Variants in MIEN1 observed in about 807,000 individuals in gnomAD.
MIEN1 encodes migration and invasion enhancer 1, also known as HBV X-transactivated gene 4 protein.
MIEN1 carries 12 observed loss-of-function variants against 15.5 expected under a neutral mutation model. The ratio of observed to expected loss-of-function variants is 0.78; its 90% confidence interval spans 0.50 to 1.26. The LOEUF is 1.26. Ranked by LOEUF, MIEN1 falls within the 50% of genes most tolerant of loss-of-function variation. The probability of loss-of-function intolerance (pLI) is 0.00; values close to 1 mark genes in which losing one functional copy is unlikely to be tolerated. For missense variants in MIEN1, 160 were observed against 151.7 expected, an observed-to-expected ratio of 1.05 and a Z score of -0.29; for synonymous variants, 63 against 62.8, an observed-to-expected ratio of 1.00 and a Z score of -0.02.
Position 39,729,388 on chromosome 17 carries a change from G to A in MIEN1, c.*134C>T. ...CTTCTATTCCTTCTTTGTACCCAAAGGGCAAAGTGGAGGCCAGGGTCTCTT... is the reference window on the plus strand; with the variant it reads ...CTTCTATTCCTTCTTTGTACCCAAAAGGCAAAGTGGAGGCCAGGGTCTCTT... On this transcript the variant is annotated 3_prime_UTR_variant, in exon 4 of 4. Transcript: ENST00000394231. 9.3e-7 allele frequency: 1 copy of A among 1,079,662 alleles called. No homozygotes were observed. Among genetic ancestry groups the A allele is most frequent in the Non-Finnish European group, 1.3e-6 (1 of 754,792 alleles). 66.9% of individuals were successfully genotyped at this position (1,079,662 alleles called of 1,614,324 possible).
In MIEN1 at chr17:39,730,235, T is replaced by C; in HGVS notation, c.146A>G (p.Gln49Arg). Residue 49 changes from glutamine to arginine, a missense_variant, in exon 2 of 4, where the codon CAG (glutamine) becomes CGG (arginine). By Grantham distance (43) the Gln-to-Arg change is conservative. Transcript: ENST00000394231. Reference protein sequence around the residue: ...YLELASAVKEQYPGIEIESRL... With the variant: ...YLELASAVKERYPGIEIESRL... ...CGACTCGATCTCGATGCCCGGATAC[T>C]GCTCCTTCACAGCACTGGCCAGCTC... 6.2e-7 allele frequency: 1 copy of C among 1,609,238 alleles called. No homozygotes were observed. Among genetic ancestry groups the C allele is most frequent in the African/African-American group, 1.3e-5 (1 of 75,020 alleles).
intron 1 of MIEN1, 25 bp downstream of exon 1, chr17:39,730,382 G>C (rs747852107): frequency 6.4e-7 from 1 of 1,553,364 alleles, no homozygotes; most frequent in Admixed American, 2.0e-5. Context: ...ACCAGGGTGC[G>C]GGTCCTCCAG....
intron 2 of MIEN1, chr17:39,729,993 G>A: frequency 1.4e-6 from 1 of 695,120 alleles, no homozygotes; most frequent in Non-Finnish European, 2.4e-6. Flanking sequence ...AACCCTACAC[G>A]ATTGCAGTCT....
At chr17:39,730,120 A>C (rs963783466) in intron 2 of MIEN1, 74 bp downstream of exon 2, 1 of 1,401,650 alleles carries the variant, frequency 7.1e-7, no homozygotes, top group Non-Finnish European at 9.8e-7. Context: ...AAAGCAGCCA[A>C]TGTCAGAACT....
rs2059904436 is a variant in MIEN1, at chr17:39,728,636, T to C, written c.*886A>G. 4.3e-6 allele frequency: 1 copy of C among 233,032 alleles called. No individual in the cohort carries two copies. 14.4% of individuals were successfully genotyped at this position (233,032 alleles called of 1,614,324 possible). A position where few individuals can be genotyped will look rare whatever the true frequency, so the allele number is the denominator to read the frequency against. On this transcript the variant is annotated 3_prime_UTR_variant, in exon 4 of 4. Coordinates refer to ENST00000394231, the MANE Select transcript of MIEN1 (RefSeq NM_032339.5). The stretch of plus-strand genomic sequence containing the variant: ...CCTTCTCCACACCCACTTTGTCCAT[T>C]TGCAAATATATTTTGGAAAACAGCT...
In MIEN1 at chr17:39,730,395, G is replaced by T. The variant is rs746505783; in HGVS notation, c.89+12C>A. On this transcript the variant is annotated intron_variant, in intron 1 of 3. Coordinates refer to ENST00000394231, the MANE Select transcript of MIEN1 (RefSeq NM_032339.5). Reference sequence around the variant, plus strand: ...GGACCAGGGTGCGGGTCCTCCAGCCGGGGCCGCTCACCAGTACTCCACCAC... The same window carrying T: ...GGACCAGGGTGCGGGTCCTCCAGCCTGGGCCGCTCACCAGTACTCCACCAC... The T allele has an allele frequency of 6.4e-7, 1 of 1,552,756 alleles. No individual in the cohort carries two copies. The highest frequency in any genetic ancestry group is 8.7e-7 in the Non-Finnish European group (1 of 1,149,330).
At position 39,729,508 on chromosome 17, in the gene MIEN1, A is replaced by C. The variant is rs1330074629; in HGVS notation, c.*14T>G. ...GGACCCCAGAACAGAGCAGGAACCC[A>C]GAGTCCTGTGCAGTCACAGGATGAC... On this transcript the variant is annotated 3_prime_UTR_variant, in exon 4 of 4. Coordinates refer to ENST00000394231, the MANE Select transcript of MIEN1 (RefSeq NM_032339.5). The C allele has an allele frequency of 2.5e-6, 4 of 1,613,300 alleles. No individual in the cohort carries two copies. The South Asian group carries it at 3.3e-5, about 13-fold the overall frequency.
At chr17:39,730,018 C>T (rs905953188) in intron 2 of MIEN1, 176 bp downstream of exon 2, 1 of 723,124 alleles carries the variant, frequency 1.4e-6, no homozygotes, top group African/African-American at 1.8e-5. Context: ...GGTTTTTCCC[C>T]ACAGGCCTCT....
chr17:39,730,442 C>G lies in MIEN1; in HGVS notation c.54G>C (p.Glu18Asp), dbSNP rs1270284875. 1 of 1,550,470 alleles carries G rather than the reference C, an allele frequency of 6.4e-7. No homozygotes were observed. The highest frequency in any genetic ancestry group is 1.4e-5 in the African/African-American group (1 of 73,168). ...TSVAPPPEEV[E>D]PGSGVRIVVE... Reference sequence around the variant, plus strand: ...CCACGATGCGGACCCCACTGCCCGGCTCGACCTCCTCGGGAGGGGGCGCTA... The same window carrying G: ...CCACGATGCGGACCCCACTGCCCGGGTCGACCTCCTCGGGAGGGGGCGCTA... The change falls in exon 1 of 4, where the codon GAG becomes GAC. Residue 18 changes from glutamate (E) to aspartate (D), a missense_variant. Glu to Asp is a conservative substitution (Grantham distance 45). Transcript: ENST00000394231.
At chr17:39,729,867 A>C in intron 2 of MIEN1, 106 bp from the exon 3 acceptor site, 1 of 1,436,870 alleles carries the variant, frequency 7.0e-7, no homozygotes, top group East Asian at 2.3e-5. Context: ...ATCCCACTGG[A>C]GACCCATTTG....
Position 39,729,387 on chromosome 17 carries a change from A to AG in MIEN1, c.*134dup, listed in dbSNP as rs4252667. 79,000 of 1,095,530 alleles carry AG rather than the reference A, an allele frequency of 0.072. 4,815 individuals are homozygous for AG. The highest frequency in any genetic ancestry group is 0.29 in the African/African-American group (18,078 of 63,154). 67.9% of individuals were successfully genotyped at this position (1,095,530 alleles called of 1,614,324 possible). On this transcript the variant is annotated 3_prime_UTR_variant, in exon 4 of 4. Coordinates refer to ENST00000394231, the MANE Select transcript of MIEN1 (RefSeq NM_032339.5). ...TCTTCTATTCCTTCTTTGTACCCAAAGGGCAAAGTGGAGGCCAGGGTCTCT... is the reference window on the plus strand; with the variant it reads ...TCTTCTATTCCTTCTTTGTACCCAAAGGGGCAAAGTGGAGGCCAGGGTCTCT...
chr17:39,730,238 T>C lies in MIEN1; in HGVS notation c.143A>G (p.Glu48Gly), dbSNP rs1290255247. 1.2e-6 allele frequency: 2 copies of C among 1,608,974 alleles called. No homozygotes were observed. Among genetic ancestry groups the C allele is most frequent in the Middle Eastern group, 1.7e-4 (1 of 6,060 alleles). The stretch of plus-strand genomic sequence containing the variant: ...CTCGATCTCGATGCCCGGATACTGC[T>C]CCTTCACAGCACTGGCCAGCTCCAG... ...TYLELASAVK[E>G]QYPGIEIESR... The change falls in exon 2 of 4, where the codon GAG becomes GGG. Residue 48 changes from glutamate to glycine, a missense_variant. Glu to Gly is a moderately conservative substitution (Grantham distance 98). Coordinates refer to ENST00000394231, the MANE Select transcript of MIEN1 (RefSeq NM_032339.5).
chr17:39,729,748 T>C lies in MIEN1; in HGVS notation c.201A>G (p.Ile67Met). 1 of 1,613,784 alleles carries C rather than the reference T, an allele frequency of 6.2e-7. No homozygotes were observed. Among genetic ancestry groups the C allele is most frequent in the East Asian group, 2.2e-5 (1 of 44,878 alleles). ...SRLGGTGAFE[I>M]EINGQLVFSK... ...AGAACACCAGCTGTCCATTTATCTC[T>C]ATCTCAAAGGCACCTGGTAAGAAAT... The change falls in exon 3 of 4, where the codon ATA becomes ATG. Residue 67 changes from isoleucine to methionine, a missense_variant. Ile to Met is a conservative substitution (Grantham distance 10, BLOSUM62 1). Transcript: ENST00000394231.
rs1181507139 is a variant in MIEN1, at chr17:39,730,512, C to G, written c.-17G>C. Reference sequence around the variant, plus strand: ...CCCGCTCATCGCGGCCGGCTCCGCTCGGGCCCCTGCTTCCGGGTGTGACGC... The same window carrying G: ...CCCGCTCATCGCGGCCGGCTCCGCTGGGGCCCCTGCTTCCGGGTGTGACGC... On this transcript the variant is annotated 5_prime_UTR_variant, in exon 1 of 4. Coordinates refer to ENST00000394231, the MANE Select transcript of MIEN1 (RefSeq NM_032339.5). 4 of 1,524,940 alleles carry G rather than the reference C, an allele frequency of 2.6e-6. No homozygotes were observed. In the Admixed American group the frequency reaches 6.1e-5, roughly 23 times the overall value. The allele number at this position is 1,524,940 out of a possible 1,614,324, so 94.5% of individuals were successfully genotyped here. A position where few individuals can be genotyped will look rare whatever the true frequency, so the allele number is the denominator to read the frequency against.
Position 39,729,374 on chromosome 17 carries a change from T to G in MIEN1, c.*148A>C, listed in dbSNP as rs2059919371. Reference sequence around the variant, plus strand: ...CAAGGCCACGGAATCTTCTATTCCTTCTTTGTACCCAAAGGGCAAAGTGGA... The same window carrying G: ...CAAGGCCACGGAATCTTCTATTCCTGCTTTGTACCCAAAGGGCAAAGTGGA... On this transcript the variant is annotated 3_prime_UTR_variant, in exon 4 of 4. Coordinates refer to ENST00000394231, the MANE Select transcript of MIEN1 (RefSeq NM_032339.5). 1 of 968,924 alleles carries G rather than the reference T, an allele frequency of 1.0e-6. No homozygotes were observed. The allele number at this position is 968,924 out of a possible 1,614,324, so 60.0% of individuals were successfully genotyped here.
chr17:39,729,848 C>T, intron 2 of MIEN1, 87 bp from the exon 3 acceptor site: 2 of 1,535,986 alleles, frequency 1.3e-6, no homozygotes, highest in East Asian at 2.3e-5. Context: ...GCCTTCAAGT[C>T]CCCCATCAAT....
In MIEN1 at chr17:39,730,454, G is replaced by T. The variant is rs774496010; in HGVS notation, c.42C>A (p.Pro14=). The T allele has an allele frequency of 6.5e-7, 1 of 1,547,794 alleles. No individual in the cohort carries two copies. The highest frequency in any genetic ancestry group is 8.7e-7 in the Non-Finnish European group (1 of 1,148,020). ...EPGQTSVAPP[P]EEVEPGSGVR... is the part of the protein sequence containing the mutation. Reference sequence around the variant, plus strand: ...CCCCACTGCCCGGCTCGACCTCCTCGGGAGGGGGCGCTACGGACGTCTGCC... The same window carrying T: ...CCCCACTGCCCGGCTCGACCTCCTCTGGAGGGGGCGCTACGGACGTCTGCC... The change falls in exon 1 of 4, where the codon CCC becomes CCA. Residue 14 remains proline (P), a synonymous_variant. Transcript: ENST00000394231.
Position 39,729,581 on chromosome 17 carries a change from T to C in MIEN1, c.289A>G (p.Ser97Gly), listed in dbSNP as rs762538315. Residue 97 changes from serine to glycine, a missense_variant, in exon 4 of 4, where the codon AGT becomes GGT. Physicochemically the swap from Ser to Gly is moderately conservative, Grantham distance 56. Transcript: ENST00000394231. ...ATCTTTTCTAGGGTTTCTCCATTAC[T>C]GGCTCTTCGGATGGCCTCAATGAGC... ...KDLIEAIRRA[S>G]NGETLEKITN... 1.5e-5 allele frequency: 25 copies of C among 1,614,026 alleles called. No homozygotes were observed. Among genetic ancestry groups the C allele is most frequent in the Middle Eastern group, 1.6e-4 (1 of 6,072 alleles).
chr17:39,729,947 C>T lies in MIEN1; in HGVS notation c.188-186G>A, dbSNP rs1214802176. 32 of 753,018 alleles carry T rather than the reference C, an allele frequency of 4.2e-5. No individual in the cohort carries two copies. The East Asian group carries it at 5.1e-4, about 12-fold the overall frequency. The allele number at this position is 753,018 out of a possible 1,614,324, so 46.6% of individuals were successfully genotyped here. On this transcript the variant is annotated intron_variant, in intron 2 of 3. Transcript: ENST00000394231. ...CCTGAGGGAGGCCTCGCCTGTGTGC[C>T]CCTCGCAACACTCAATAAAGGACTC...
Sources: allele counts gnomAD v4.1 joint callset, GRCh38; gene constraint gnomAD v4.1.1; transcripts MANE v1.5; gene names NCBI Gene and HGNC (gene_info 2026-07-23, HGNC 2026-07-21).